The following KAZN variants were observed in gnomAD, a reference collection of about 807,000 sequenced individuals.
KAZN encodes the protein kazrin.
In KAZN, 40 loss-of-function variants were observed where a neutral mutation model predicts 87.4. The observed-to-expected ratio is 0.46, with a 90% confidence interval of 0.36 to 0.60. KAZN has a LOEUF of 0.60. Ranked by LOEUF, KAZN falls within the 20% of genes least tolerant of loss-of-function variation. The pLI is 0.00. For missense variants in KAZN, 898 were observed against 1,073.9 expected (o/e 0.84, Z 2.29); for synonymous variants, 466 against 458.3 (o/e 1.02, Z -0.22).
At chr1:13,979,051 G>A (rs1638523013) in intron 1 of KAZN, among the ~76,000 whole-genome samples, 1 of 151,392 alleles carries the variant, frequency 6.6e-6, no homozygotes, top group Non-Finnish European at 1.5e-5. Flanking sequence ...AGCCGTGATT[G>A]CACCACTATA....
At chr1:14,872,399 A>G (rs529097666) in intron 1 of KAZN, among the ~76,000 whole-genome samples, 250 of 152,364 alleles carry the variant, frequency 1.6e-3, no homozygotes, top group Non-Finnish European at 1.9e-3. Context: ...ATTTAATTTC[A>G]ATGAATTTAA....
intron 1 of KAZN, among the ~76,000 whole-genome samples, chr1:14,019,389 C>G (rs1391096745): frequency 6.6e-6 from 1 of 152,170 alleles, no homozygotes; most frequent in Non-Finnish European, 1.5e-5. Context: ...TTGAACCAGG[C>G]CATGAAGACC....
intron 2 of KAZN, among the ~76,000 whole-genome samples, chr1:15,019,364 C>T (rs921172258): frequency 6.6e-6 from 1 of 152,156 alleles, no homozygotes; most frequent in African/African-American, 2.4e-5. Context: ...GTGTAATCTA[C>T]CTTTGCCTCA....
chr1:14,506,457 C>T (rs1256745485), intron 2 of KAZN, among the ~76,000 whole-genome samples: 1 of 152,190 alleles, frequency 6.6e-6, no homozygotes, highest in East Asian at 1.9e-4. Context: ...AGAGCAGAAC[C>T]ATGAGAACAG....
chr1:14,258,481 T>A (rs532896715), intron 2 of KAZN, among the ~76,000 whole-genome samples: 1 of 150,960 alleles, frequency 6.6e-6, no homozygotes, highest in South Asian at 2.1e-4. Context: ...GTGATCCACC[T>A]GCCTCGGCCT....
chr1:14,324,724 T>C (rs1182235705), intron 2 of KAZN, among the ~76,000 whole-genome samples: 1 of 152,224 alleles, frequency 6.6e-6, no homozygotes, highest in Non-Finnish European at 1.5e-5. Flanking sequence ...CCTAATCTAC[T>C]CTTATGGCCT....
At chr1:14,268,552 A>G (rs1037175026) in intron 2 of KAZN, among the ~76,000 whole-genome samples, 2 of 151,950 alleles carry the variant, frequency 1.3e-5, no homozygotes, top group Non-Finnish European at 2.9e-5. Context: ...ATGGAGGGGA[A>G]GGAGAAAACC....
chr1:15,084,993 G>A (rs1163938385), intron 8 of KAZN, among the ~76,000 whole-genome samples: 1 of 152,078 alleles, frequency 6.6e-6, no homozygotes, highest in Non-Finnish European at 1.5e-5. Flanking sequence ...ACAGGAAACT[G>A]TCTCACAAGA....
chr1:15,103,556 A>C, intron 12 of KAZN, 96 bp downstream of exon 12: 1 of 816,092 alleles, frequency 1.2e-6, no homozygotes, highest in Non-Finnish European at 2.1e-6. Context: ...ATGCAAATCA[A>C]TATGCAGATC....
At chr1:14,781,860 G>T (rs1280151289) in intron 1 of KAZN, among the ~76,000 whole-genome samples, 1 of 152,170 alleles carries the variant, frequency 6.6e-6, no homozygotes, top group Non-Finnish European at 1.5e-5. Flanking sequence ...TGTGAATTCA[G>T]CCCCCAATCA....
chr1:14,566,031 T>C (rs1674530482), intron 2 of KAZN, among the ~76,000 whole-genome samples: 1 of 152,252 alleles, frequency 6.6e-6, no homozygotes, highest in African/African-American at 2.4e-5. Flanking sequence ...TAATGACATC[T>C]AGCATAGTGA....
At chr1:14,369,233 A>C (rs568632747) in intron 2 of KAZN, among the ~76,000 whole-genome samples, 104 of 152,296 alleles carry the variant, frequency 6.8e-4, no homozygotes, top group African/African-American at 2.4e-3. Flanking sequence ...TGTGTGTGAG[A>C]GCAAAGCAGC....
chr1:14,490,207 G>A (rs2148406738), intron 2 of KAZN, among the ~76,000 whole-genome samples: 1 of 152,284 alleles, frequency 6.6e-6, no homozygotes, highest in African/African-American at 2.4e-5. Context: ...CCACCCTTTT[G>A]TTCTACTAAT....
intron 2 of KAZN, among the ~76,000 whole-genome samples, chr1:14,294,252 C>A (rs1653943949): frequency 6.6e-6 from 1 of 152,116 alleles, no homozygotes; most frequent in South Asian, 2.1e-4. Context: ...CAGAAGCAAC[C>A]ACACCAGCAA....
At chr1:14,051,519 T>C (rs1304663877) in intron 1 of KAZN, among the ~76,000 whole-genome samples, 1 of 152,248 alleles carries the variant, frequency 6.6e-6, no homozygotes, top group Non-Finnish European at 1.5e-5. Context: ...TTGAATTATC[T>C]GTTTCTCTTC....
At chr1:14,360,495 C>T (rs1309466322) in intron 2 of KAZN, among the ~76,000 whole-genome samples, 3 of 152,148 alleles carry the variant, frequency 2.0e-5, no homozygotes, top group South Asian at 4.1e-4. Context: ...TGGTGAGGAG[C>T]TGTGATCCTT....
intron 1 of KAZN, among the ~76,000 whole-genome samples, chr1:14,740,522 TTCCA>T (rs1227321127): frequency 3.3e-5 from 5 of 152,030 alleles, no homozygotes; most frequent in Admixed American, 6.5e-5. Flanking sequence ...CCCACCCCAA[TTCCA>T]TCCTATCCTC....
intron 1 of KAZN, among the ~76,000 whole-genome samples, chr1:14,705,654 T>C (rs1280305727): frequency 6.6e-6 from 1 of 152,154 alleles, no homozygotes; most frequent in Non-Finnish European, 1.5e-5. Context: ...TGGAGGACAT[T>C]ATGTTAAGTG....
intron 1 of KAZN, among the ~76,000 whole-genome samples, chr1:13,923,877 T>C (rs1640167616): frequency 6.6e-6 from 1 of 152,184 alleles, no homozygotes; most frequent in African/African-American, 2.4e-5. Context: ...CCAGTTGATG[T>C]ATAGTTAAAT....
Sources: allele counts gnomAD v4.1 joint callset (sites outside exome capture counted in the v4.1 genomes callset), GRCh38; gene constraint gnomAD v4.1.1; transcripts MANE v1.5; gene names NCBI Gene and HGNC (gene_info 2026-07-23, HGNC 2026-07-21).